WDFY3: variants seen among roughly 807,000 people sequenced by gnomAD.
WDFY3 encodes WD repeat and FYVE domain-containing protein 3.
Under a neutral mutation model 409.6 loss-of-function variants are expected in WDFY3, and 66 were observed. The observed-to-expected ratio is 0.16, with a 90% CI of 0.13 to 0.20. The LOEUF is 0.20. Ranked by LOEUF, WDFY3 falls within the 10% of genes least tolerant of loss-of-function variation. WDFY3 has a pLI of 1.00. For missense variants in WDFY3, 3,031 were observed against 4,298.1 expected, an observed-to-expected ratio of 0.71 and a Z score of 8.24; for synonymous variants, 1,521 against 1,537.1, an observed-to-expected ratio of 0.99 and a Z score of 0.25.
At position 84,692,924 on chromosome 4, in the gene WDFY3, G is replaced by A. The variant is rs1323823779; in HGVS notation, c.9010C>T (p.His3004Tyr). The A allele has an allele frequency of 6.2e-7, 1 of 1,613,002 alleles. No individual in the cohort carries two copies. Among genetic ancestry groups the A allele is most frequent in the Non-Finnish European group, 8.5e-7 (1 of 1,179,810 alleles). The stretch of plus-strand genomic sequence containing the variant: ...AGAGAAGGCCTCAAGTTGTCTAGAT[G>A]ATGAAAAAAGATCTTGTCACTTGTA... The part of the protein sequence containing the change: ...GSTSDKIFFH[H>Y]LDNLRPSLTP... The change falls in exon 59 of 68, where the codon CAT becomes TAT. Residue 3004 changes from histidine (H) to tyrosine (Y), a missense_variant. His to Tyr is a moderately conservative substitution (Grantham distance 83, BLOSUM62 2). This residue lies in a region of WDFY3 where 152 missense variants were observed against 193.5 expected (regional missense o/e 0.79). Coordinates refer to ENST00000295888, the MANE Select transcript of WDFY3 (RefSeq NM_014991.6).
intron 56 of WDFY3, among the ~76,000 whole-genome samples, chr4:84,701,982 A>C (rs992503178): frequency 6.6e-6 from 1 of 152,144 alleles, no homozygotes; most frequent in East Asian, 1.9e-4. Context: ...AAAACAACGA[A>C]ATTCTAAATG....
At chr4:84,678,143 G>A (rs754622539) in intron 66 of WDFY3, 25 bp downstream of exon 66, 9 of 1,582,968 alleles carry the variant, frequency 5.7e-6, no homozygotes, top group Admixed American at 1.7e-5. Context: ...ATGGGAAGCG[G>A]AGCTGGAAAA....
At chr4:84,950,418 A>T (rs1034958961) in intron 1 of WDFY3, among the ~76,000 whole-genome samples, 2 of 150,946 alleles carry the variant, frequency 1.3e-5, no homozygotes, top group African/African-American at 2.5e-5. Flanking sequence ...AGTTTAATAA[A>T]AAAAAAAAAA....
intron 3 of WDFY3, among the ~76,000 whole-genome samples, chr4:84,882,718 AT>A (rs761553554): frequency 0.011 from 1,562 of 143,640 alleles, 11 homozygotes; most frequent in African/African-American, 0.024. Context: ...TTTCACCTAT[AT>A]TTTTTTTTTT....
At chr4:84,959,141 C>G (rs1264413673) in intron 1 of WDFY3, among the ~76,000 whole-genome samples, 2 of 152,138 alleles carry the variant, frequency 1.3e-5, no homozygotes, top group African/African-American at 4.8e-5. Flanking sequence ...AGACAGCAGA[C>G]ACTCAAGTCT....
intron 3 of WDFY3, among the ~76,000 whole-genome samples, chr4:84,865,678 A>T (rs1232241619): frequency 6.6e-6 from 1 of 152,172 alleles, no homozygotes. Context: ...TTCTTTTCCA[A>T]GTTGAGCCGA....
At chr4:84,688,711 T>A (rs1728744757) in intron 61 of WDFY3, among the ~76,000 whole-genome samples, 2 of 149,814 alleles carry the variant, frequency 1.3e-5, no homozygotes, top group Admixed American at 6.8e-5. Flanking sequence ...ATTGAATGAA[T>A]TTTTTTTTAA....
chr4:84,691,853 T>C (rs1578147203), intron 59 of WDFY3, 68 bp from the exon 60 acceptor site: 1 of 1,399,166 alleles, frequency 7.1e-7, no homozygotes, highest in Non-Finnish European at 9.7e-7. Context: ...TCATAGAGCA[T>C]GATAATTTCA....
rs775549943 is a variant in WDFY3, at chr4:84,789,766, G to A, written c.3629C>T (p.Ala1210Val). 3.7e-6 allele frequency: 6 copies of A among 1,613,822 alleles called. No homozygotes were observed. The South Asian group carries it at 5.5e-5, about 15-fold the overall frequency. ...AAGCTGTCCATCAATATAAAGGGCT[G>A]CAGTACTGTTTTTCAACATGCCTTT... ...MSKGMLKNSTAALYIDGQLVN... is the reference protein window; with the variant it reads ...MSKGMLKNSTVALYIDGQLVN... The change falls in exon 22 of 68, where the codon GCA becomes GTA. Residue 1210 changes from alanine to valine, a missense_variant. Physicochemically the swap from Ala to Val is moderately conservative, Grantham distance 64. Coordinates refer to ENST00000295888, the MANE Select transcript of WDFY3 (RefSeq NM_014991.6).
chr4:84,678,018 A>G (rs1350302359), intron 66 of WDFY3, 150 bp downstream of exon 66: 1 of 533,654 alleles, frequency 1.9e-6, no homozygotes, highest in African/African-American at 1.9e-5. Flanking sequence ...CCACACACTA[A>G]CAGGGTTCTT....
rs758415191 is a variant in WDFY3, at chr4:84,739,117, T to A, written c.6467A>T (p.Asn2156Ile). Residue 2156 changes from asparagine (N) to isoleucine (I), a missense_variant and splice_region_variant, in exon 40 of 68, where the codon AAC becomes ATC. Physicochemically the swap from Asn to Ile is moderately radical, Grantham distance 149. Coordinates refer to ENST00000295888, the MANE Select transcript of WDFY3 (RefSeq NM_014991.6). ...HCLINLHVGS[N>I]VDGFGLEAEA... ...TGCTTCCAGTCCAAATCCATCCACG[T>A]TGCTGAAAAATTCCAGTCAGTTTAA... The A allele has an allele frequency of 6.2e-7, 1 of 1,614,054 alleles. No homozygotes were observed. Among genetic ancestry groups the A allele is most frequent in the Non-Finnish European group, 8.5e-7 (1 of 1,179,932 alleles).
intron 63 of WDFY3, 115 bp from the exon 64 acceptor site, chr4:84,682,585 G>A (rs554148448): frequency 5.9e-5 from 48 of 815,684 alleles, no homozygotes; most frequent in Non-Finnish European, 8.8e-5. Context: ...TTTCCATCAT[G>A]TTATACAGTT....
At chr4:84,771,638 T>C (rs551784532) in intron 30 of WDFY3, among the ~76,000 whole-genome samples, 14 of 152,318 alleles carry the variant, frequency 9.2e-5, no homozygotes, top group Middle Eastern at 3.4e-3. Flanking sequence ...AATGGTATGA[T>C]ATTGGATAAA....
At chr4:84,864,940 T>G (rs1338091635) in intron 3 of WDFY3, among the ~76,000 whole-genome samples, 2 of 152,062 alleles carry the variant, frequency 1.3e-5, no homozygotes, top group African/African-American at 4.8e-5. Context: ...CAGTCTGGAG[T>G]GCAGTGGTGC....
intron 3 of WDFY3, among the ~76,000 whole-genome samples, chr4:84,877,017 C>G (rs1026327753): frequency 2.0e-5 from 3 of 152,204 alleles, no homozygotes; most frequent in African/African-American, 7.2e-5. Context: ...GAAGGCTACG[C>G]TCTCCAAATC....
At chr4:84,917,337 C>T (rs895063426) in intron 2 of WDFY3, among the ~76,000 whole-genome samples, 1 of 152,154 alleles carries the variant, frequency 6.6e-6, no homozygotes, top group Non-Finnish European at 1.5e-5. Context: ...TGGTCCAAAC[C>T]TTCCTCTTTA....
intron 57 of WDFY3, 90 bp downstream of exon 57, chr4:84,696,641 CA>C: frequency 7.7e-7 from 1 of 1,292,738 alleles, no homozygotes; most frequent in African/African-American, 1.5e-5. Context: ...TAGTAACAAA[CA>C]GGTGGTACTC....
chr4:84,904,253 T>C (rs756902883), intron 2 of WDFY3, among the ~76,000 whole-genome samples: 46 of 149,890 alleles, frequency 3.1e-4, no homozygotes, highest in East Asian at 1.9e-3. Flanking sequence ...TTCATTCATT[T>C]ATTTGAGACG....
chr4:84,779,221 A>G (rs1746083188), intron 26 of WDFY3, among the ~76,000 whole-genome samples: 1 of 152,214 alleles, frequency 6.6e-6, no homozygotes, highest in Admixed American at 6.5e-5. Context: ...AAGTTTTGCA[A>G]AAGAAAACAC....
Sources: gnomAD v4.1 joint callset for allele counts (sites outside exome capture counted in the v4.1 genomes callset) on GRCh38, gnomAD v4.1.1 for gene constraint, gnomAD v4.1.1 regional missense constraint, MANE v1.5 for transcripts, NCBI Gene and HGNC (gene_info 2026-07-23, HGNC 2026-07-21) for gene names.